Variants in TMEM108 observed in about 807,000 individuals in gnomAD.
TMEM108 encodes the protein transmembrane protein 108, also known as cancer/testis antigen 124.
TMEM108 carries 12 observed loss-of-function variants against 35.1 expected under a neutral mutation model. That is an observed-to-expected ratio of 0.34 (90% CI 0.22 to 0.55). TMEM108 has a LOEUF of 0.55. Among genes scored for constraint, TMEM108 ranks in the 20% least tolerant of loss-of-function variants. The pLI is 0.89. For missense variants in TMEM108, 680 were observed against 753.3 expected, an observed-to-expected ratio of 0.90 and a Z score of 1.14; for synonymous variants, 287 against 308.6, an observed-to-expected ratio of 0.93 and a Z score of 0.73.
chr3:133,236,741 A>G (rs1037367566), intron 3 of TMEM108, among the ~76,000 whole-genome samples: 1 of 152,094 alleles, frequency 6.6e-6, no homozygotes, highest in East Asian at 1.9e-4. Context: ...TTCTTAAACT[A>G]GAAGGATCCA....
chr3:133,079,380 GAATAATA>G (rs1342801725), intron 2 of TMEM108, among the ~76,000 whole-genome samples: 2 of 152,188 alleles, frequency 1.3e-5, no homozygotes, highest in Non-Finnish European at 2.9e-5. Flanking sequence ...TGCTATACCA[GAATAATA>G]TAGACTAGGT....
At chr3:133,135,891 T>C (rs1944558151) in intron 2 of TMEM108, among the ~76,000 whole-genome samples, 1 of 152,054 alleles carries the variant, frequency 6.6e-6, no homozygotes, top group Non-Finnish European at 1.5e-5. Flanking sequence ...ATGATGAGTT[T>C]AATGTGTAGC....
chr3:133,214,472 CT>C (rs1213434329), intron 2 of TMEM108, among the ~76,000 whole-genome samples: 4 of 151,740 alleles, frequency 2.6e-5, no homozygotes, highest in African/African-American at 4.8e-5. Flanking sequence ...CCTGAGGGTT[CT>C]CTCAGGCACG....
At chr3:133,166,934 G>A (rs974500015) in intron 2 of TMEM108, among the ~76,000 whole-genome samples, 5 of 152,184 alleles carry the variant, frequency 3.3e-5, no homozygotes, top group Non-Finnish European at 5.9e-5. Flanking sequence ...GTTTTACAGA[G>A]AGCTGATTGG....
chr3:133,287,940 C>T (rs1295230772), intron 3 of TMEM108, among the ~76,000 whole-genome samples: 1 of 152,144 alleles, frequency 6.6e-6, no homozygotes, highest in East Asian at 1.9e-4. Context: ...CTTTATGTTC[C>T]CAACGTCATC....
At chr3:133,337,593 C>A (rs2071535416) in intron 3 of TMEM108, among the ~76,000 whole-genome samples, 1 of 152,082 alleles carries the variant, frequency 6.6e-6, no homozygotes, top group Non-Finnish European at 1.5e-5. Flanking sequence ...TACAAACAAG[C>A]CCACACTGTG....
At chr3:133,057,449 A>G (rs1238707831) in intron 2 of TMEM108, among the ~76,000 whole-genome samples, 808 of 28,404 alleles carry the variant, frequency 0.028, 11 homozygotes, top group Non-Finnish European at 0.053. Context: ...ATATATATAT[A>G]TATATATATA....
At chr3:133,261,276 C>G (rs1946619440) in intron 3 of TMEM108, among the ~76,000 whole-genome samples, 1 of 152,190 alleles carries the variant, frequency 6.6e-6, no homozygotes, top group Non-Finnish European at 1.5e-5. Context: ...GGAATTTTCA[C>G]AAACAGTCCA....
chr3:133,328,213 G>C (rs1284667396), intron 3 of TMEM108, among the ~76,000 whole-genome samples: 1 of 152,182 alleles, frequency 6.6e-6, no homozygotes, highest in African/African-American at 2.4e-5. Flanking sequence ...CTAATGTCAT[G>C]AGGTCAGAAG....
In TMEM108 at chr3:133,379,821, C is replaced by G; in HGVS notation, c.110C>G (p.Ser37Cys). Residue 37 changes from serine (S) to cysteine (C), a missense_variant, in exon 4 of 6, where the codon TCT (serine) becomes TGT (cysteine). Ser to Cys is a moderately radical substitution (Grantham distance 112, BLOSUM62 -1). This residue lies in a region of TMEM108 where 49 missense variants were observed against 70.6 expected (regional missense o/e 0.69). Coordinates refer to ENST00000321871, the MANE Select transcript of TMEM108 (RefSeq NM_023943.4). ...ATCCAGGAACCATCTCCCAGGGAAT[C>G]TCTTCAGGTCCTCCCTTCAGGCACT... ...FAIQEPSPRE[S>C]LQVLPSGTPP... is the part of the protein sequence containing the mutation. The G allele has an allele frequency of 6.2e-7, 1 of 1,614,010 alleles. No homozygotes were observed. The highest frequency in any genetic ancestry group is 2.2e-5 in the East Asian group (1 of 44,878).
chr3:133,238,335 C>T (rs369959372), intron 3 of TMEM108, among the ~76,000 whole-genome samples: 4 of 152,282 alleles, frequency 2.6e-5, no homozygotes, highest in East Asian at 1.9e-4. Context: ...GGGAGTCATA[C>T]ATGTTTGATT....
chr3:133,339,249 T>A (rs2071590827), intron 3 of TMEM108, among the ~76,000 whole-genome samples: 2 of 148,850 alleles, frequency 1.3e-5, no homozygotes, highest in Non-Finnish European at 1.5e-5. Context: ...AAAAATAAAC[T>A]GAAAATAAAG....
intron 3 of TMEM108, among the ~76,000 whole-genome samples, chr3:133,265,515 C>G (rs1946685110): frequency 6.6e-6 from 1 of 152,082 alleles, no homozygotes; most frequent in South Asian, 2.1e-4. Flanking sequence ...TGTGTGGGAG[C>G]CTTTGCGAAC....
rs542909232 is a variant in TMEM108, at chr3:133,215,585, AC to A, written c.-46-13677del. 2.5e-4 allele frequency among the ~76,000 whole-genome samples: 38 copies of A among 151,950 alleles called. No homozygotes were observed. The East Asian group carries it at 6.8e-3, about 27-fold the overall frequency. On this transcript the variant is annotated intron_variant, in intron 2 of 5. Coordinates refer to ENST00000321871, the MANE Select transcript of TMEM108 (RefSeq NM_023943.4). ...TTACAAAGAAATTTTAGGGATATTA[AC>A]CCCTTGCCTGTTATAAGTTGAAGAG...
chr3:133,156,759 A>G (rs767200217), intron 2 of TMEM108, among the ~76,000 whole-genome samples: 2 of 152,164 alleles, frequency 1.3e-5, no homozygotes, highest in African/African-American at 4.8e-5. Context: ...GCAGTTAGGT[A>G]TGGCCATGTG....
intron 3 of TMEM108, among the ~76,000 whole-genome samples, chr3:133,286,350 T>A (rs79114405): frequency 0.016 from 2,378 of 152,206 alleles, 27 homozygotes; most frequent in Non-Finnish European, 0.022. Context: ...ATTTTTTTTT[T>A]AGAAACAAGG....
chr3:133,109,160 T>C (rs1944195875), intron 2 of TMEM108, among the ~76,000 whole-genome samples: 1 of 152,038 alleles, frequency 6.6e-6, no homozygotes, highest in Admixed American at 6.6e-5. Flanking sequence ...AAAGTGCTGG[T>C]TCTCACTGTG....
chr3:133,291,368 C>T (rs1265364061), intron 3 of TMEM108, among the ~76,000 whole-genome samples: 8 of 151,780 alleles, frequency 5.3e-5, no homozygotes, highest in Non-Finnish European at 8.8e-5. Flanking sequence ...GCAGCCTCAA[C>T]CTCCCAGGCT....
intron 2 of TMEM108, among the ~76,000 whole-genome samples, chr3:133,122,857 C>T (rs1396364425): frequency 3.9e-5 from 4 of 102,542 alleles, no homozygotes; most frequent in Non-Finnish European, 6.2e-5. Flanking sequence ...AGCGAGACTC[C>T]ATCTCAAAAA....
Sources: gnomAD v4.1 joint callset for allele counts (sites outside exome capture counted in the v4.1 genomes callset) on GRCh38, gnomAD v4.1.1 for gene constraint, gnomAD v4.1.1 regional missense constraint, MANE v1.5 for transcripts, NCBI Gene and HGNC (gene_info 2026-07-23, HGNC 2026-07-21) for gene names.